EPB41L4B: variants seen among roughly 807,000 people sequenced by gnomAD.
The protein encoded by EPB41L4B is band 4.1-like protein 4B.
EPB41L4B carries 30 observed loss-of-function variants against 112.5 expected under a neutral mutation model. The ratio of observed to expected loss-of-function variants is 0.27; its 90% CI spans 0.20 to 0.36. EPB41L4B has a LOEUF of 0.36. Ranked by LOEUF, EPB41L4B falls within the 10% of genes least tolerant of loss-of-function variation. The probability of loss-of-function intolerance (pLI) is 1.00; values close to 1 mark genes in which losing one functional copy is unlikely to be tolerated. For synonymous variants in EPB41L4B, 408 were observed against 439.7 expected (o/e 0.93, Z 0.90); for missense variants, 1,024 against 1,133.3 (o/e 0.90, Z 1.38).
intron 1 of EPB41L4B, among the ~76,000 whole-genome samples, chr9:109,287,286 A>G (rs1836325273): frequency 2.0e-5 from 3 of 152,174 alleles, no homozygotes; most frequent in African/African-American, 7.2e-5. Flanking sequence ...GCCCCCCAAA[A>G]TAAATGAACT....
rs188637359 is a variant in EPB41L4B, at chr9:109,259,280, C to T, written c.632-983G>A. On this transcript the variant is annotated intron_variant, in intron 6 of 25. Coordinates refer to ENST00000374566, the MANE Select transcript of EPB41L4B (RefSeq NM_019114.5). ...ATCACTGAGGTATAATAGTGGCTTT[C>T]GAATTTGGGTGCGCATCAGAATCAC... 3.1e-4 allele frequency among the ~76,000 whole-genome samples: 47 copies of T among 152,258 alleles called. 1 individual carries two copies. The East Asian group carries it at 8.7e-3, about 28-fold the overall frequency.
chr9:109,314,989 G>C (rs780947073), intron 1 of EPB41L4B, among the ~76,000 whole-genome samples: 5 of 152,128 alleles, frequency 3.3e-5, no homozygotes, highest in African/African-American at 7.2e-5. Context: ...AACTCCACCT[G>C]TGAGCTGCTC....
intron 1 of EPB41L4B, among the ~76,000 whole-genome samples, chr9:109,297,202 TG>T (rs1196963743): frequency 4.3e-4 from 23 of 53,892 alleles, no homozygotes; most frequent in Admixed American, 1.6e-3. Context: ...GCTGGGGGGG[TG>T]GGGGGGGATC....
chr9:109,226,169 A>G (rs140399702), intron 15 of EPB41L4B, among the ~76,000 whole-genome samples: 1 of 152,072 alleles, frequency 6.6e-6, no homozygotes, highest in East Asian at 1.9e-4. Context: ...AGGAAACTTT[A>G]CTTCTCAGGC....
At chr9:109,277,189 G>A (rs1477405515) in intron 2 of EPB41L4B, among the ~76,000 whole-genome samples, 2 of 152,074 alleles carry the variant, frequency 1.3e-5, no homozygotes, top group Non-Finnish European at 2.9e-5. Flanking sequence ...GGGCTGGAGA[G>A]TGGCAGGTGC....
At chr9:109,186,566 C>T (rs1477819712) in intron 22 of EPB41L4B, among the ~76,000 whole-genome samples, 1 of 151,728 alleles carries the variant, frequency 6.6e-6, no homozygotes, top group African/African-American at 2.4e-5. Context: ...CCTTAAAATC[C>T]TGGGCTCAAG....
At chr9:109,249,802 C>T (rs374182889) in intron 13 of EPB41L4B, among the ~76,000 whole-genome samples, 7 of 152,324 alleles carry the variant, frequency 4.6e-5, no homozygotes, top group African/African-American at 1.7e-4. Context: ...CCTCCTCCCA[C>T]CCTCCGGGGC....
intron 18 of EPB41L4B, 41 bp from the exon 19 acceptor site, chr9:109,203,771 T>C: frequency 3.3e-6 from 5 of 1,528,720 alleles, no homozygotes; most frequent in Non-Finnish European, 1.8e-6. Context: ...ACTGAATATG[T>C]TGGCATGCAA....
chr9:109,234,136 C>T (rs900098057), intron 15 of EPB41L4B, among the ~76,000 whole-genome samples: 1 of 150,950 alleles, frequency 6.6e-6, no homozygotes, highest in African/African-American at 2.4e-5. Flanking sequence ...CTATGATTTG[C>T]TTCCTGTGAG....
At chr9:109,224,774 T>A (rs1833703744) in intron 15 of EPB41L4B, among the ~76,000 whole-genome samples, 1 of 152,184 alleles carries the variant, frequency 6.6e-6, no homozygotes, top group Non-Finnish European at 1.5e-5. Context: ...TACATCATAA[T>A]CTATCTCTAA....
intron 20 of EPB41L4B, chr9:109,196,068 A>G (rs2118712832): frequency 6.6e-6 from 1 of 152,096 alleles, no homozygotes; most frequent in Admixed American, 6.5e-5. Flanking sequence ...AACAGTCGTC[A>G]ACTATGAACC....
chr9:109,234,783 C>T (rs1178406043), intron 15 of EPB41L4B, among the ~76,000 whole-genome samples: 5 of 152,120 alleles, frequency 3.3e-5, no homozygotes, highest in Non-Finnish European at 7.4e-5. Flanking sequence ...ACTTGAGCCC[C>T]GGAGGTGGAG....
At chr9:109,316,065 G>A (rs1183059215) in intron 1 of EPB41L4B, among the ~76,000 whole-genome samples, 2 of 152,086 alleles carry the variant, frequency 1.3e-5, no homozygotes, top group East Asian at 1.9e-4. Flanking sequence ...AGGCCTTCCC[G>A]TCACCAAATC....
intron 20 of EPB41L4B, among the ~76,000 whole-genome samples, chr9:109,195,106 A>G (rs1564257152): frequency 2.0e-5 from 3 of 152,170 alleles, no homozygotes; most frequent in African/African-American, 2.4e-5. Flanking sequence ...ACATGGGTGT[A>G]CAAACATCTG....
Position 109,176,640 on chromosome 9 carries a change from G to T in EPB41L4B, c.2544C>A (p.Ile848=). The stretch of plus-strand genomic sequence containing the variant: ...TCAAAGGCCTCAGGGTCGCTGCTGG[G>T]ATCAGCGGGGAAGTCGGGCCAGGAC... ...QCCPGPTSPL[I]PAATLRPLTE... Residue 848 remains isoleucine, a synonymous_variant, in exon 25 of 26, where the codon ATC becomes ATA. Coordinates refer to ENST00000374566, the MANE Select transcript of EPB41L4B (RefSeq NM_019114.5). 5.0e-6 allele frequency: 8 copies of T among 1,614,056 alleles called. No individual in the cohort carries two copies. Among genetic ancestry groups the T allele is most frequent in the Non-Finnish European group, 5.9e-6 (7 of 1,179,984 alleles).
intron 1 of EPB41L4B, among the ~76,000 whole-genome samples, chr9:109,313,697 G>A (rs1837509231): frequency 6.6e-6 from 1 of 152,194 alleles, no homozygotes; most frequent in Non-Finnish European, 1.5e-5. Flanking sequence ...CAGCGCAGAT[G>A]GCTAACAAGC....
intron 1 of EPB41L4B, among the ~76,000 whole-genome samples, chr9:109,290,781 CA>C (rs1177871669): frequency 9.8e-4 from 148 of 151,418 alleles, no homozygotes; most frequent in African/African-American, 2.9e-3. Context: ...CACACACACA[CA>C]CCCCCCACCA....
chr9:109,247,607 C>A, intron 14 of EPB41L4B, 149 bp downstream of exon 14: 1 of 511,280 alleles, frequency 2.0e-6, no homozygotes, highest in Non-Finnish European at 3.2e-6. Flanking sequence ...CTCAAAAAAA[C>A]AAATATTGTT....
At chr9:109,268,807 G>A (rs1835501620) in intron 2 of EPB41L4B, among the ~76,000 whole-genome samples, 1 of 149,900 alleles carries the variant, frequency 6.7e-6, no homozygotes, top group Non-Finnish European at 1.5e-5. Flanking sequence ...TGAGGCAGGA[G>A]AATGGCGTGA....
Sources: allele counts gnomAD v4.1 joint callset (sites outside exome capture counted in the v4.1 genomes callset), GRCh38; gene constraint gnomAD v4.1.1; transcripts MANE v1.5; gene names NCBI Gene and HGNC (gene_info 2026-07-23, HGNC 2026-07-21).